Variants in FANCM observed in about 807,000 individuals in gnomAD.
The protein encoded by FANCM is Fanconi anemia group M protein.
A neutral mutation model predicts 199.5 loss-of-function variants in FANCM; 140 were observed. The observed-to-expected ratio is 0.70, with a 90% CI of 0.61 to 0.81. FANCM has a LOEUF of 0.81. Ranked by LOEUF, FANCM falls within the 30% of genes least tolerant of loss-of-function variation. The probability of loss-of-function intolerance (pLI) is 0.00; values close to 1 mark genes in which losing one functional copy is unlikely to be tolerated. For missense variants in FANCM, 2,410 were observed against 2,421.4 expected, an observed-to-expected ratio of 1.00 and a Z score of 0.10; for synonymous variants, 840 against 836.8, an observed-to-expected ratio of 1.00 and a Z score of -0.07.
intron 22 of FANCM, among the ~76,000 whole-genome samples, chr14:45,199,413 T>A (rs1040913714): frequency 2.6e-5 from 4 of 152,242 alleles, no homozygotes; most frequent in African/African-American, 9.6e-5. Context: ...TTCTGGATAC[T>A]GGAAGTCTGA....
In FANCM at chr14:45,176,121, C is replaced by A; in HGVS notation, c.3367C>A (p.Leu1123Ile). The change falls in exon 14 of 23, where the codon CTC becomes ATC. Residue 1123 changes from leucine to isoleucine, a missense_variant. Leu to Ile is a conservative substitution (Grantham distance 5). Transcript: ENST00000267430. ...ENNHDVDNSDLPVLSTDQDES... is the reference protein window; with the variant it reads ...ENNHDVDNSDIPVLSTDQDES... ...CAATCATGATGTTGATAACAGTGAC[C>A]TCCCAGTATTGTCCACTGATCAAGA... is the stretch of plus-strand genomic sequence containing the variant. 6.2e-7 allele frequency: 1 copy of A among 1,613,934 alleles called. No homozygotes were observed. The highest frequency in any genetic ancestry group is 8.5e-7 in the Non-Finnish European group (1 of 1,179,872).
chr14:45,142,362 A>G (rs535587817), intron 3 of FANCM, among the ~76,000 whole-genome samples: 2 of 149,348 alleles, frequency 1.3e-5, no homozygotes, highest in African/African-American at 5.0e-5. Context: ...GCTGGAGTGC[A>G]ATGGCATGAT....
At position 45,173,122 on chromosome 14, in the gene FANCM, C is replaced by G; in HGVS notation, c.2228C>G (p.Pro743Arg). ...LSEWRLWQDHPLPTHQVDHSD... is the reference protein window; with the variant it reads ...LSEWRLWQDHRLPTHQVDHSD... ...GAATGGAGACTGTGGCAAGATCATCCTTTGCCTACACATCAAGTTGATCAC... is the reference window on the plus strand; with the variant it reads ...GAATGGAGACTGTGGCAAGATCATCGTTTGCCTACACATCAAGTTGATCAC... The change falls in exon 13 of 23, where the codon CCT (proline) becomes CGT (arginine). Residue 743 changes from proline (P) to arginine (R), a missense_variant. Physicochemically the swap from Pro to Arg is moderately radical, Grantham distance 103. Transcript: ENST00000267430. The G allele has an allele frequency of 2.5e-6, 4 of 1,610,672 alleles. No individual in the cohort carries two copies. The South Asian group carries it at 3.3e-5, about 13-fold the overall frequency.
intron 2 of FANCM, among the ~76,000 whole-genome samples, chr14:45,138,272 G>A (rs1224005604): frequency 6.6e-6 from 1 of 152,098 alleles, no homozygotes; most frequent in African/African-American, 2.4e-5. Context: ...GAATAAAAGA[G>A]GGAAAGGTAG....
At chr14:45,174,986 A>G (rs900754481) in intron 13 of FANCM, 85 bp from the exon 14 acceptor site, 12 of 728,772 alleles carry the variant, frequency 1.6e-5, no homozygotes, top group African/African-American at 1.4e-4. Flanking sequence ...TAAATATTTT[A>G]ATATAGAGTG....
chr14:45,195,497 C>A (rs1450364800), intron 20 of FANCM: 27 of 455,718 alleles, frequency 5.9e-5, no homozygotes, highest in Non-Finnish European at 9.7e-5. Flanking sequence ...GGACATCTAG[C>A]ACTAATGTTT....
At chr14:45,138,456 T>G (rs1050552548) in intron 2 of FANCM, among the ~76,000 whole-genome samples, 1 of 152,144 alleles carries the variant, frequency 6.6e-6, no homozygotes, top group African/African-American at 2.4e-5. Context: ...ATGAATATAA[T>G]ATATTTTTCC....
Position 45,175,859 on chromosome 14 carries a change from C to G in FANCM, c.3105C>G (p.Thr1035=). ...CAEHLRSDKC[T]CLLSHSAVNS... is the part of the protein sequence containing the mutation. ...AGCATTTACGAAGTGATAAATGCAC[C>G]TGTTTGCTGTCACATTCAGCTGTGA... Residue 1035 remains threonine, a synonymous_variant, in exon 14 of 23, where the codon ACC becomes ACG. Coordinates refer to ENST00000267430, the MANE Select transcript of FANCM (RefSeq NM_020937.4). 1 of 1,613,864 alleles carries G rather than the reference C, an allele frequency of 6.2e-7. No individual in the cohort carries two copies. The highest frequency in any genetic ancestry group is 8.5e-7 in the Non-Finnish European group (1 of 1,179,906).
Position 45,175,316 on chromosome 14 carries a change from GAAAA to G in FANCM, c.2565_2568del (p.Lys856CysfsTer5). ...AACCTACTAAAATTGTTTCTTTAAA[GAAAA>G]AAGTGTCTAAAGAAATAAAAAAAGA... On this transcript the variant is annotated frameshift_variant, in exon 14 of 23. Coordinates refer to ENST00000267430, the MANE Select transcript of FANCM (RefSeq NM_020937.4). LOFTEE classifies it high-confidence loss of function. 6.4e-7 allele frequency: 1 copy of G among 1,563,284 alleles called. No homozygotes were observed. The highest frequency in any genetic ancestry group is 8.7e-7 in the Non-Finnish European group (1 of 1,156,062).
chr14:45,159,212 G>A lies in FANCM; in HGVS notation c.1513G>A (p.Val505Ile), dbSNP rs750646820. Reference sequence around the variant, plus strand: ...TTCACAGCATCAGCCAATTATTAGAGTAATGACTTTTGTCGGCCATGCCTC... The same window carrying A: ...TTCACAGCATCAGCCAATTATTAGAATAATGACTTTTGTCGGCCATGCCTC... ...MLSQHQPIIR[V>I]MTFVGHASGK... Residue 505 changes from valine to isoleucine, a missense_variant, in exon 9 of 23, where the codon GTA (valine) becomes ATA (isoleucine). Transcript: ENST00000267430. 6.2e-7 allele frequency: 1 copy of A among 1,613,876 alleles called. No homozygotes were observed. Among genetic ancestry groups the A allele is most frequent in the East Asian group, 2.2e-5 (1 of 44,870 alleles).
chr14:45,150,869 A>C (rs1566734271), intron 4 of FANCM, among the ~76,000 whole-genome samples: 1 of 152,216 alleles, frequency 6.6e-6, no homozygotes, highest in Non-Finnish European at 1.5e-5. Context: ...TCTTAGCCAC[A>C]CTATCCCCAG....
At position 45,170,670 on chromosome 14, in the gene FANCM, G is replaced by A. The variant is rs2139226597; in HGVS notation, c.2084G>A (p.Arg695Lys). 1.9e-6 allele frequency: 3 copies of A among 1,605,784 alleles called. No homozygotes were observed. Among genetic ancestry groups the A allele is most frequent in the African/African-American group, 1.3e-5 (1 of 74,840 alleles). ...TTATGGAACAGACTTTATAGATTAA[G>A]GGACAGTGATGAAATTAAAGAGATA... ...FKLWNRLYRL[R>K]DSDEIKEITL... The change falls in exon 12 of 23, where the codon AGG becomes AAG. Residue 695 changes from arginine to lysine, a missense_variant. By Grantham distance (26) the Arg-to-Lys change is conservative. Transcript: ENST00000267430.
At chr14:45,180,432 GT>G (rs558348932) in intron 14 of FANCM, among the ~76,000 whole-genome samples, 42 of 144,474 alleles carry the variant, frequency 2.9e-4, no homozygotes, top group East Asian at 2.4e-3. Flanking sequence ...AGTATGTGGT[GT>G]TTTTTTTTTT....
chr14:45,174,396 A>C (rs1018155664), intron 13 of FANCM, among the ~76,000 whole-genome samples: 10 of 151,972 alleles, frequency 6.6e-5, no homozygotes, highest in African/African-American at 2.4e-4. Flanking sequence ...AAAAAAAAAA[A>C]AAACAAAAAA....
chr14:45,177,639 G>A (rs1352211242), intron 14 of FANCM, among the ~76,000 whole-genome samples: 1 of 152,002 alleles, frequency 6.6e-6, no homozygotes, highest in African/African-American at 2.4e-5. Flanking sequence ...TGATCCACCC[G>A]CCTCACCCTC....
intron 4 of FANCM, 78 bp downstream of exon 4, chr14:45,149,073 G>A (rs1886636073): frequency 1.8e-6 from 2 of 1,138,562 alleles, no homozygotes; most frequent in African/African-American, 1.5e-5. Context: ...GGATTTGGAT[G>A]TGATAATATA....
At chr14:45,158,988 A>C in intron 8 of FANCM, 108 bp from the exon 9 acceptor site, 1 of 727,008 alleles carries the variant, frequency 1.4e-6, no homozygotes. Flanking sequence ...TTTTTTTGAA[A>C]GAATTATCAT....
intron 10 of FANCM, among the ~76,000 whole-genome samples, chr14:45,165,525 G>A (rs1887909420): frequency 6.6e-6 from 1 of 152,096 alleles, no homozygotes; most frequent in South Asian, 2.1e-4. Context: ...TCCAGCCTGG[G>A]TAACAGAGCG....
chr14:45,172,252 A>C (rs1336003880), intron 12 of FANCM, among the ~76,000 whole-genome samples: 3 of 152,096 alleles, frequency 2.0e-5, no homozygotes, highest in African/African-American at 7.2e-5. Flanking sequence ...GTGCAAAAGC[A>C]TTTAGTTTAA....
Sources: allele counts gnomAD v4.1 joint callset (sites outside exome capture counted in the v4.1 genomes callset), GRCh38; gene constraint gnomAD v4.1.1; transcripts MANE v1.5; gene names NCBI Gene and HGNC (gene_info 2026-07-23, HGNC 2026-07-21).